ZNF385D: variants seen among roughly 807,000 people sequenced by gnomAD.
ZNF385D encodes the protein zinc finger protein 659.
In ZNF385D, 15 loss-of-function variants were observed where a neutral mutation model predicts 35.8. The ratio of observed to expected loss-of-function variants is 0.42; its 90% confidence interval spans 0.28 to 0.64. The LOEUF is 0.64. Among genes scored for constraint, ZNF385D ranks in the 30% least tolerant of loss-of-function variants. ZNF385D has a pLI of 0.23. For missense variants in ZNF385D, 474 were observed against 494.6 expected, an observed-to-expected ratio of 0.96 and a Z score of 0.39; for synonymous variants, 212 against 186.8, an observed-to-expected ratio of 1.13 and a Z score of -1.10.
At chr3:21,697,674 A>G (rs971753606) in intron 1 of ZNF385D, among the ~76,000 whole-genome samples, 1 of 152,216 alleles carries the variant, frequency 6.6e-6, no homozygotes, top group African/African-American at 2.4e-5. Flanking sequence ...CAGACAATCT[A>G]CAGAACGGGA....
intron 4 of ZNF385D, among the ~76,000 whole-genome samples, chr3:21,480,003 C>T (rs1704504323): frequency 6.6e-6 from 1 of 151,936 alleles, no homozygotes; most frequent in African/African-American, 2.4e-5. Context: ...ATACACTTTA[C>T]ATTAGTATCA....
At chr3:21,814,802 G>A (rs1208979182) in intron 3 of ZNF385D, among the ~76,000 whole-genome samples, 1 of 152,104 alleles carries the variant, frequency 6.6e-6, no homozygotes, top group Non-Finnish European at 1.5e-5. Flanking sequence ...AGGATATCCA[G>A]GAATTGAACT....
intron 3 of ZNF385D, among the ~76,000 whole-genome samples, chr3:21,829,843 G>A (rs1291261721): frequency 1.3e-5 from 2 of 152,006 alleles, no homozygotes; most frequent in East Asian, 2.0e-4. Flanking sequence ...TTTAGAGTTT[G>A]GCCTGACATG....
At chr3:22,107,871 T>G (rs901367106) in intron 3 of ZNF385D, among the ~76,000 whole-genome samples, 3 of 152,072 alleles carry the variant, frequency 2.0e-5, no homozygotes, top group Middle Eastern at 3.4e-3. Context: ...AATTCAGGTG[T>G]TGTCAATGTG....
chr3:21,796,026 T>C (rs905852568), intron 3 of ZNF385D, among the ~76,000 whole-genome samples: 2 of 152,228 alleles, frequency 1.3e-5, no homozygotes, highest in Admixed American at 6.5e-5. Flanking sequence ...AATACTATCA[T>C]AGCAGAGTCC....
intron 2 of ZNF385D, among the ~76,000 whole-genome samples, chr3:21,660,651 T>C (rs1204143730): frequency 6.6e-6 from 1 of 152,170 alleles, no homozygotes; most frequent in African/African-American, 2.4e-5. Flanking sequence ...TGTCATAAAA[T>C]GTGGCCATTT....
At chr3:21,506,114 ATC>A (rs1182775838) in intron 4 of ZNF385D, among the ~76,000 whole-genome samples, 2 of 152,130 alleles carry the variant, frequency 1.3e-5, no homozygotes, top group African/African-American at 4.8e-5. Context: ...GCTGACTAAT[ATC>A]TGTTTTGCTT....
chr3:22,322,778 A>G lies in ZNF385D; in HGVS notation c.106+49672T>C, dbSNP rs139072091. On this transcript the variant is annotated intron_variant, in intron 2 of 5. Transcript: ENST00000494108. Reference sequence around the variant, plus strand: ...CTTTCATTTCTTCAACCATCCAGTAATGTTTTTGTTTTAAACTCTTCTTCT... The same window carrying G: ...CTTTCATTTCTTCAACCATCCAGTAGTGTTTTTGTTTTAAACTCTTCTTCT... Among the ~76,000 whole-genome samples, 655 of 152,218 alleles carry G rather than the reference A, an allele frequency of 4.3e-3. 4 individuals carry two copies. Among genetic ancestry groups the G allele is most frequent in the African/African-American group, 0.014 (576 of 41,528 alleles).
chr3:22,217,784 C>A (rs940386673), intron 2 of ZNF385D, among the ~76,000 whole-genome samples: 1 of 152,032 alleles, frequency 6.6e-6, no homozygotes, highest in African/African-American at 2.4e-5. Context: ...TGATTTCAAG[C>A]TAACTTATGT....
At chr3:22,042,638 A>G (rs1471503276) in intron 3 of ZNF385D, among the ~76,000 whole-genome samples, 4 of 152,112 alleles carry the variant, frequency 2.6e-5, no homozygotes, top group Non-Finnish European at 5.9e-5. Context: ...AAAGCCCATA[A>G]AACACCCATT....
chr3:21,424,116 C>A, intron 6 of ZNF385D, 52 bp from the exon 7 acceptor site: 1 of 1,480,910 alleles, frequency 6.8e-7, no homozygotes, highest in South Asian at 1.3e-5. Context: ...CTGCAAAAAC[C>A]TCTCACAAAT....
intron 3 of ZNF385D, among the ~76,000 whole-genome samples, chr3:22,098,126 T>C (rs981063019): frequency 1.3e-5 from 2 of 151,984 alleles, no homozygotes; most frequent in African/African-American, 4.8e-5. Flanking sequence ...ATGACTGAAA[T>C]AGAATTTTCT....
chr3:21,734,015 G>C (rs146341070), intron 1 of ZNF385D, among the ~76,000 whole-genome samples: 1 of 151,830 alleles, frequency 6.6e-6, no homozygotes, highest in South Asian at 2.1e-4. Flanking sequence ...ATGCTTCCCC[G>C]TCAGAACACT....
chr3:22,093,142 G>T (rs1461656482), intron 3 of ZNF385D, among the ~76,000 whole-genome samples: 1 of 151,874 alleles, frequency 6.6e-6, no homozygotes. Flanking sequence ...ATTTAATAAA[G>T]AGTTAGAAAA....
intron 3 of ZNF385D, among the ~76,000 whole-genome samples, chr3:21,840,413 G>C (rs1387932078): frequency 6.6e-6 from 1 of 152,056 alleles, no homozygotes; most frequent in Non-Finnish European, 1.5e-5. Context: ...TTTAAAGATA[G>C]CATGCTTCCT....
chr3:22,141,658 C>T lies in ZNF385D; in HGVS notation c.325+27159G>A, dbSNP rs913203318. Among the ~76,000 whole-genome samples, 23 of 145,524 alleles carry T rather than the reference C, an allele frequency of 1.6e-4. No homozygotes were observed. In the South Asian group the frequency reaches 2.1e-3, roughly 14 times the overall value. ...GAATTAGGTTAAGAACCAAAAGCAC[C>T]GCCCCTGGGGGAGGAGGAGGAGGAG... On this transcript the variant is annotated intron_variant, in intron 3 of 5. Transcript: ENST00000494108.
At chr3:21,697,140 C>G (rs1042913747) in intron 1 of ZNF385D, among the ~76,000 whole-genome samples, 1 of 152,064 alleles carries the variant, frequency 6.6e-6, no homozygotes, top group African/African-American at 2.4e-5. Context: ...CTCCTTGTAC[C>G]TCTGCTTCCT....
chr3:21,892,076 C>G (rs1011569376), intron 3 of ZNF385D, among the ~76,000 whole-genome samples: 1 of 152,160 alleles, frequency 6.6e-6, no homozygotes, highest in Non-Finnish European at 1.5e-5. Context: ...GCAACTGAAA[C>G]TTTTCTTCAA....
intron 2 of ZNF385D, among the ~76,000 whole-genome samples, chr3:22,332,205 A>G (rs908210801): frequency 1.1e-4 from 17 of 152,084 alleles, no homozygotes; most frequent in Admixed American, 9.8e-4. Context: ...GCTCCTCCAC[A>G]CCTGCCTCTA....
Sources: gnomAD v4.1 joint callset for allele counts (sites outside exome capture counted in the v4.1 genomes callset) on GRCh38, gnomAD v4.1.1 for gene constraint, MANE v1.5 for transcripts, NCBI Gene and HGNC (gene_info 2026-07-23, HGNC 2026-07-21) for gene names.